Variants in ZNF516 observed in about 807,000 individuals in gnomAD.
The protein encoded by ZNF516 is zinc finger protein 516.
Under a neutral mutation model 79.7 loss-of-function variants are expected in ZNF516, and 19 were observed. The ratio of observed to expected loss-of-function variants is 0.24; its 90% CI spans 0.17 to 0.35. The LOEUF (loss-of-function observed/expected upper bound fraction) is 0.35, where lower values mean the gene tolerates loss of function less well. ZNF516 is among the 10% of genes least tolerant of loss of function. The pLI, the probability that ZNF516 is intolerant of heterozygous loss-of-function variation, is 1.00. For synonymous variants in ZNF516, 877 were observed against 739.5 expected (o/e 1.19, Z -3.02); for missense variants, 1,678 against 1,679.5 (o/e 1.00, Z 0.02).
chr18:76,417,929 G>A (rs143086993), intron 3 of ZNF516, among the ~76,000 whole-genome samples: 165 of 152,242 alleles, frequency 1.1e-3, no homozygotes, highest in Non-Finnish European at 1.6e-3. Flanking sequence ...AAGGATTCTC[G>A]GCCAGAGGGT....
At chr18:76,362,672 C>A in intron 6 of ZNF516, 115 bp from the exon 7 acceptor site, 1 of 1,095,744 alleles carries the variant, frequency 9.1e-7, no homozygotes. Flanking sequence ...CAATGACCTT[C>A]ACAAAGCAAG....
At chr18:76,457,108 A>T (rs1008653219) in intron 2 of ZNF516, among the ~76,000 whole-genome samples, 3 of 152,254 alleles carry the variant, frequency 2.0e-5, no homozygotes, top group Non-Finnish European at 4.4e-5. Context: ...GTGAACAAAA[A>T]GACATTCCCT....
intron 2 of ZNF516, among the ~76,000 whole-genome samples, chr18:76,445,640 G>A (rs117613634): frequency 0.059 from 8,984 of 152,274 alleles, 451 homozygotes; most frequent in South Asian, 0.19. Flanking sequence ...CTGGAAATTG[G>A]TGGCTCTGAA....
intron 3 of ZNF516, among the ~76,000 whole-genome samples, chr18:76,404,126 G>A (rs916448180): frequency 1.3e-5 from 2 of 152,220 alleles, no homozygotes; most frequent in African/African-American, 2.4e-5. Context: ...AGTCTCCAGT[G>A]ACAAATGTTG....
At chr18:76,409,539 A>G (rs2075346443) in intron 3 of ZNF516, among the ~76,000 whole-genome samples, 1 of 152,248 alleles carries the variant, frequency 6.6e-6, no homozygotes, top group Non-Finnish European at 1.5e-5. Flanking sequence ...TGAACTAGAG[A>G]CTGAAGAACA....
rs149966002 is a variant in ZNF516, at chr18:76,390,635, G to A, written c.1811-10332C>T. Among the ~76,000 whole-genome samples the A allele has an allele frequency of 6.6e-5, 10 of 152,330 alleles. No individual in the cohort carries two copies. The East Asian group carries it at 7.7e-4, about 12-fold the overall frequency. ...CAAGTCTCCAAGTCTCCGAGGAAAC[G>A]AGGGGCACAGAGCAACCCGGGTCCC... On this transcript the variant is annotated intron_variant, in intron 3 of 6. Transcript: ENST00000443185.
chr18:76,452,369 C>G (rs1183958795), intron 2 of ZNF516, among the ~76,000 whole-genome samples: 1 of 152,186 alleles, frequency 6.6e-6, no homozygotes, highest in East Asian at 1.9e-4. Context: ...CATTACTTAG[C>G]ACCCCCCAAA....
At chr18:76,431,480 T>C (rs562956861) in intron 3 of ZNF516, among the ~76,000 whole-genome samples, 23 of 152,112 alleles carry the variant, frequency 1.5e-4, no homozygotes, top group African/African-American at 5.5e-4. Context: ...CTCTGGAAGG[T>C]CCTGTGCCCG....
Position 76,443,157 on chromosome 18 carries a change from T to C in ZNF516, c.-103A>G, listed in dbSNP as rs1217002164. The C allele has an allele frequency of 1.4e-6, 2 of 1,445,852 alleles. No individual in the cohort carries two copies. Among genetic ancestry groups the C allele is most frequent in the African/African-American group, 2.9e-5 (2 of 69,294 alleles). The allele number at this position is 1,445,852 out of a possible 1,614,324, so 89.6% of individuals were successfully genotyped here. On this transcript the variant is annotated 5_prime_UTR_variant, in exon 3 of 7. Coordinates refer to ENST00000443185, the MANE Select transcript of ZNF516 (RefSeq NM_014643.4). ...GGTCAGAAGAGCCAAAAGACGTGCC[T>C]GCTCCCAGGAGGTGCACCTTCTACA...
chr18:76,370,416 A>G (rs2074683244), intron 6 of ZNF516, 112 bp downstream of exon 6: 1 of 1,024,956 alleles, frequency 9.8e-7, no homozygotes. Context: ...GATTATTTAC[A>G]CATCTAGTGA....
chr18:76,374,470 TAG>T (rs796973222), intron 4 of ZNF516, among the ~76,000 whole-genome samples: 13 of 152,326 alleles, frequency 8.5e-5, no homozygotes, highest in African/African-American at 2.9e-4. Flanking sequence ...CCTGTTTGGG[TAG>T]AGTTTTTAGA....
chr18:76,485,151 T>TG (rs1599163271), intron 1 of ZNF516, among the ~76,000 whole-genome samples: 1 of 152,216 alleles, frequency 6.6e-6, no homozygotes, highest in East Asian at 1.9e-4. Flanking sequence ...CTTGAGCACC[T>TG]GGGGTTGCAC....
rs577859832 is a variant in ZNF516 at position 76,468,046 on chromosome 18, C to T, written c.-271-4905G>A. On this transcript the variant is annotated intron_variant, in intron 1 of 6. Transcript: ENST00000443185. ...CCTGCAGCAGCCAACACACCCCAGC[C>T]AGCCCGTGCCTATTCTGTGAACTGA... 4.6e-5 allele frequency among the ~76,000 whole-genome samples: 7 copies of T among 152,350 alleles called. No individual in the cohort carries two copies. In the South Asian group the frequency reaches 1.4e-3, roughly 32 times the overall value.
At position 76,490,291 on chromosome 18, in the gene ZNF516, G is replaced by A. The variant is rs1012555174; in HGVS notation, c.-272+4853C>T. Reference sequence around the variant, plus strand: ...ACTTCACTCTCCAATTTTACTAAGGGGGGGCGAGGGGTTCTCAGACCCATG... The same window carrying A: ...ACTTCACTCTCCAATTTTACTAAGGAGGGGCGAGGGGTTCTCAGACCCATG... On this transcript the variant is annotated intron_variant, in intron 1 of 6. Transcript: ENST00000443185. The A allele has an allele frequency of 2.0e-5, 14 of 686,454 alleles. No individual in the cohort carries two copies. The African/African-American group carries it at 2.1e-4, about 11-fold the overall frequency. The allele number at this position is 686,454 out of a possible 1,614,324, so 42.5% of individuals were successfully genotyped here. A position where few individuals can be genotyped will look rare whatever the true frequency, so the allele number is the denominator to read the frequency against.
rs540754385 is a variant in ZNF516, at chr18:76,495,189, C to G, written c.-317G>C. The G allele has an allele frequency of 4.0e-5, 6 of 148,926 alleles. No individual in the cohort carries two copies. The highest frequency in any genetic ancestry group is 9.0e-5 in the Non-Finnish European group (6 of 66,918). 9.2% of individuals were successfully genotyped at this position (148,926 alleles called of 1,614,324 possible). On this transcript the variant is annotated 5_prime_UTR_variant, in exon 1 of 7. Coordinates refer to ENST00000443185, the MANE Select transcript of ZNF516 (RefSeq NM_014643.4). ...CCTGGGGAGGAGGACGCGCACGCCC[C>G]GCGCATCTGAAGGTGAAGCCGAGCG... is the stretch of plus-strand genomic sequence containing the variant.
At chr18:76,428,392 C>A (rs1297924623) in intron 3 of ZNF516, among the ~76,000 whole-genome samples, 6 of 136,546 alleles carry the variant, frequency 4.4e-5, no homozygotes, top group Non-Finnish European at 4.7e-5. Flanking sequence ...GATTCTGTCT[C>A]AAAAAAAAAA....
Position 76,493,348 on chromosome 18 carries a change from C to A in ZNF516, c.-272+1796G>T, listed in dbSNP as rs1599177646. ...CGGGGGGCGGGGGGGGGGGCGGGGG[C>A]CGACGCAGGGGAAAGAGTTGCTCTC... On this transcript the variant is annotated intron_variant, in intron 1 of 6. Coordinates refer to ENST00000443185, the MANE Select transcript of ZNF516 (RefSeq NM_014643.4). This position sits in a 1 kb window ranked among gnomAD's most constrained non-coding sequence, Gnocchi z 5.2. 1 of 160,414 alleles carries A rather than the reference C, an allele frequency of 6.2e-6. No homozygotes were observed. Among genetic ancestry groups the A allele is most frequent in the African/African-American group, 2.6e-5 (1 of 39,084 alleles). The allele number at this position is 160,414 out of a possible 1,614,324, so 9.9% of individuals were successfully genotyped here. A position where few individuals can be genotyped will look rare whatever the true frequency, so the allele number is the denominator to read the frequency against.
chr18:76,478,564 A>C (rs1048980655), intron 1 of ZNF516, among the ~76,000 whole-genome samples: 1 of 152,260 alleles, frequency 6.6e-6, no homozygotes, highest in African/African-American at 2.4e-5. Context: ...AATCCCTTAC[A>C]GTTTATAGGC....
chr18:76,383,321 C>G (rs2074925045), intron 3 of ZNF516, among the ~76,000 whole-genome samples: 1 of 152,132 alleles, frequency 6.6e-6, no homozygotes, highest in South Asian at 2.1e-4. Context: ...GGCGCAGGAT[C>G]CTCAGCAACA....
Sources: allele counts gnomAD v4.1 joint callset (sites outside exome capture counted in the v4.1 genomes callset), GRCh38; gene constraint gnomAD v4.1.1; non-coding constraint Gnocchi (gnomAD v3.1); transcripts MANE v1.5; gene names NCBI Gene and HGNC (gene_info 2026-07-23, HGNC 2026-07-21).